CD247: variants seen among roughly 807,000 people sequenced by gnomAD.
The protein encoded by CD247 is T-cell surface glycoprotein CD3 zeta chain.
Under a neutral mutation model 30.0 loss-of-function variants are expected in CD247, and 13 were observed. The observed-to-expected ratio is 0.43, with a 90% CI of 0.28 to 0.69. CD247 has a LOEUF of 0.69. CD247 is among the 30% of genes least tolerant of loss of function. CD247 has a pLI of 0.16. For missense variants in CD247, 193 were observed against 212.6 expected (o/e 0.91, Z 0.57); for synonymous variants, 72 against 80.0 (o/e 0.90, Z 0.53).
chr1:167,490,430 C>G (rs1654399513), intron 1 of CD247, among the ~76,000 whole-genome samples: 1 of 151,650 alleles, frequency 6.6e-6, no homozygotes, highest in African/African-American at 2.4e-5. Context: ...TGAGACCATC[C>G]TGGCCAACAT....
chr1:167,443,295 G>A (rs965958899), intron 1 of CD247, among the ~76,000 whole-genome samples: 3 of 152,166 alleles, frequency 2.0e-5, no homozygotes, highest in Non-Finnish European at 4.4e-5. Context: ...ACAATCACTC[G>A]ATATCATGGA....
intron 4 of CD247, among the ~76,000 whole-genome samples, chr1:167,438,142 A>G (rs559848985): frequency 6.6e-6 from 1 of 152,284 alleles, no homozygotes; most frequent in African/African-American, 2.4e-5. Context: ...ACCCACAGGT[A>G]TAGTGTCTAC....
At chr1:167,435,345 C>T (rs1651495825) in intron 5 of CD247, 54 bp downstream of exon 5, 4 of 1,390,172 alleles carry the variant, frequency 2.9e-6, no homozygotes, top group Middle Eastern at 1.8e-4. Context: ...TGGAGCCCTC[C>T]TCCAGCCCTT....
chr1:167,452,500 T>C (rs577906770), intron 1 of CD247, among the ~76,000 whole-genome samples: 3 of 150,802 alleles, frequency 2.0e-5, no homozygotes, highest in Non-Finnish European at 4.4e-5. Flanking sequence ...CAGGGAGAGA[T>C]GGCCACCTAC....
chr1:167,478,896 T>C (rs1372200538), intron 1 of CD247, among the ~76,000 whole-genome samples: 1 of 152,204 alleles, frequency 6.6e-6, no homozygotes, highest in Non-Finnish European at 1.5e-5. Flanking sequence ...TCGAAGAAAA[T>C]ACCCCAAAAT....
intron 1 of CD247, among the ~76,000 whole-genome samples, chr1:167,460,125 G>C (rs1468096159): frequency 6.6e-6 from 1 of 152,222 alleles, no homozygotes; most frequent in Non-Finnish European, 1.5e-5. Context: ...TTATGGGCCA[G>C]GTGTGGTGGC....
intron 4 of CD247, among the ~76,000 whole-genome samples, chr1:167,438,238 T>A (rs1357690231): frequency 6.6e-6 from 1 of 152,204 alleles, no homozygotes; most frequent in African/African-American, 2.4e-5. Context: ...TGTATGGACC[T>A]CTTCACCAGG....
Position 167,518,444 on chromosome 1 carries a change from T to G in CD247, c.22A>C (p.Thr8Pro), listed in dbSNP as rs1571612400. 2 of 1,614,104 alleles carry G rather than the reference T, an allele frequency of 1.2e-6. No homozygotes were observed. Among genetic ancestry groups the G allele is most frequent in the Non-Finnish European group, 1.7e-6 (2 of 1,180,024 alleles). Residue 8 changes from threonine to proline, a missense_variant, in exon 1 of 8, where the codon ACC (threonine) becomes CCC (proline). Transcript: ENST00000362089. MKWKALFTAAILQAQLPI... is the reference protein window; with the variant it reads MKWKALFPAAILQAQLPI... ...AACTGTGCCTGCAGGATGGCCGCGG[T>G]GAAAAGCGCCTTCCACTTCATCTTG...
intron 7 of CD247, among the ~76,000 whole-genome samples, chr1:167,432,023 C>T (rs1433937356): frequency 6.6e-6 from 1 of 152,228 alleles, no homozygotes; most frequent in African/African-American, 2.4e-5. Flanking sequence ...AATGCTGTGC[C>T]TTACAGTGCT....
At chr1:167,513,267 T>G (rs561075028) in intron 1 of CD247, among the ~76,000 whole-genome samples, 1 of 152,166 alleles carries the variant, frequency 6.6e-6, no homozygotes, top group Non-Finnish European at 1.5e-5. Flanking sequence ...ATATGTTTTA[T>G]GTTTTGATTA....
intron 1 of CD247, among the ~76,000 whole-genome samples, chr1:167,486,335 G>GTGC: frequency 6.6e-6 from 1 of 152,352 alleles, no homozygotes; most frequent in East Asian, 1.9e-4. Flanking sequence ...GGGAGAGGAA[G>GTGC]TGCTGCGGGA....
intron 7 of CD247, 33 bp downstream of exon 7, chr1:167,432,991 C>A: frequency 6.2e-7 from 1 of 1,613,000 alleles, no homozygotes; most frequent in Non-Finnish European, 8.5e-7. Flanking sequence ...CAGGTGGTGC[C>A]CCTTCCACTG....
intron 1 of CD247, among the ~76,000 whole-genome samples, chr1:167,515,697 TG>T (rs1250547952): frequency 5.3e-5 from 8 of 152,228 alleles, no homozygotes; most frequent in African/African-American, 1.9e-4. Context: ...GTTTCTGTGC[TG>T]GTATGGGTGT....
At chr1:167,475,384 C>T (rs561753334) in intron 1 of CD247, among the ~76,000 whole-genome samples, 11 of 152,072 alleles carry the variant, frequency 7.2e-5, no homozygotes, top group Non-Finnish European at 1.2e-4. Context: ...AATAATAAAT[C>T]ATTATAAATA....
chr1:167,467,554 G>C (rs1653311915), intron 1 of CD247, among the ~76,000 whole-genome samples: 1 of 152,214 alleles, frequency 6.6e-6, no homozygotes, highest in African/African-American at 2.4e-5. Context: ...TCCCTCCCCA[G>C]GACACTAGGG....
chr1:167,505,355 ACTT>A (rs1385018008), intron 1 of CD247, among the ~76,000 whole-genome samples: 1 of 152,200 alleles, frequency 6.6e-6, no homozygotes, highest in Non-Finnish European at 1.5e-5. Context: ...TATTTTTGTC[ACTT>A]CTTCACTCAT....
intron 2 of CD247, 169 bp from the exon 3 acceptor site, chr1:167,439,569 C>A: frequency 1.6e-6 from 1 of 632,536 alleles, no homozygotes. Context: ...GGCGTGGCAG[C>A]CCCTTTTTCT....
chr1:167,440,585 C>A (rs2101996029), intron 2 of CD247, 79 bp downstream of exon 2: 2 of 966,164 alleles, frequency 2.1e-6, no homozygotes, highest in East Asian at 2.5e-5. Context: ...AGCTTGAGAC[C>A]TTCCAAGACC....
intron 1 of CD247, among the ~76,000 whole-genome samples, chr1:167,453,535 C>T (rs1221810879): frequency 6.6e-6 from 1 of 152,126 alleles, no homozygotes; most frequent in Admixed American, 6.6e-5. Context: ...TAAACTCTCA[C>T]AGTATACAGA....
Sources: allele counts gnomAD v4.1 joint callset (sites outside exome capture counted in the v4.1 genomes callset), GRCh38; gene constraint gnomAD v4.1.1; transcripts MANE v1.5; gene names NCBI Gene and HGNC (gene_info 2026-07-23, HGNC 2026-07-21).